SLC9C1: variants seen among roughly 807,000 people sequenced by gnomAD.
SLC9C1 encodes the protein sodium/hydrogen exchanger 10.
A neutral mutation model predicts 140.9 loss-of-function variants in SLC9C1; 97 were observed. That is an observed-to-expected ratio of 0.69 (90% confidence interval 0.58 to 0.82). The LOEUF (loss-of-function observed/expected upper bound fraction) is 0.82. Ranked by LOEUF, SLC9C1 falls within the 40% of genes least tolerant of loss-of-function variation. The probability of loss-of-function intolerance (pLI) is 0.00; values close to 1 mark genes in which losing one functional copy is unlikely to be tolerated. For missense variants in SLC9C1, 1,340 were observed against 1,389.3 expected, an observed-to-expected ratio of 0.96 and a Z score of 0.56; for synonymous variants, 440 against 442.6, an observed-to-expected ratio of 0.99 and a Z score of 0.07.
At chr3:112,291,132 C>T (rs1165074281) in intron 1 of SLC9C1, among the ~76,000 whole-genome samples, 1 of 152,144 alleles carries the variant, frequency 6.6e-6, no homozygotes, top group East Asian at 1.9e-4. Context: ...GCTTGCTTTA[C>T]AGTGTCACTG....
At chr3:112,193,828 C>T (rs1209849547) in intron 20 of SLC9C1, among the ~76,000 whole-genome samples, 8 of 151,994 alleles carry the variant, frequency 5.3e-5, no homozygotes, top group African/African-American at 7.3e-5. Flanking sequence ...AATGGGGCTG[C>T]AAGACTGTTT....
chr3:112,248,606 A>G (rs1279794406), intron 10 of SLC9C1, among the ~76,000 whole-genome samples: 2 of 152,082 alleles, frequency 1.3e-5, no homozygotes, highest in African/African-American at 4.8e-5. Flanking sequence ...AAATTCACTT[A>G]TTAGTTCTAC....
rs533235418 is a variant in SLC9C1 at position 112,233,193 on chromosome 3, C to T, written c.1447-1707G>A. On this transcript the variant is annotated intron_variant, in intron 12 of 28. Coordinates refer to ENST00000305815, the MANE Select transcript of SLC9C1 (RefSeq NM_183061.3). ...GAGTGATCTTCCTACCTCAGTCTCCCGAGTAGCGGGGACTACAGATGCACA... is the reference window on the plus strand; with the variant it reads ...GAGTGATCTTCCTACCTCAGTCTCCTGAGTAGCGGGGACTACAGATGCACA... Among the ~76,000 whole-genome samples, 99 of 151,826 alleles carry T rather than the reference C, an allele frequency of 6.5e-4. No individual in the cohort carries two copies. In the South Asian group the frequency reaches 0.016, roughly 25 times the overall value.
intron 12 of SLC9C1, among the ~76,000 whole-genome samples, chr3:112,233,050 C>CACATAT (rs1326383624): frequency 1.7e-3 from 150 of 86,616 alleles, no homozygotes; most frequent in African/African-American, 5.3e-3. Context: ...CACACACACA[C>CACATAT]ATATATATAT....
At chr3:112,215,131 C>A (rs533371033) in intron 15 of SLC9C1, among the ~76,000 whole-genome samples, 25 of 152,048 alleles carry the variant, frequency 1.6e-4, no homozygotes, top group Non-Finnish European at 2.8e-4. Flanking sequence ...TCAATAGATG[C>A]AGAAAAGGCC....
chr3:112,226,062 C>T (rs942690092), intron 13 of SLC9C1, among the ~76,000 whole-genome samples: 2 of 152,138 alleles, frequency 1.3e-5, no homozygotes, highest in Non-Finnish European at 2.9e-5. Flanking sequence ...ATAGACAGAA[C>T]ATTTCATTCA....
At position 112,192,542 on chromosome 3, in the gene SLC9C1, C is replaced by T. The variant is rs904759363; in HGVS notation, c.2523+6779G>A. Among the ~76,000 whole-genome samples the T allele has an allele frequency of 9.2e-5, 14 of 151,986 alleles. No homozygotes were observed. The East Asian group carries it at 2.7e-3, about 29-fold the overall frequency. ...GTGTCTACCTTTTATTGTTTCTATTCTTTTTTTGTTTTTGTTTTTTTCTTT... is the reference window on the plus strand; with the variant it reads ...GTGTCTACCTTTTATTGTTTCTATTTTTTTTTTGTTTTTGTTTTTTTCTTT... On this transcript the variant is annotated intron_variant, in intron 20 of 28. Transcript: ENST00000305815.
At chr3:112,272,098 CTAGGCCACATGAG>C (rs2080094547) in intron 6 of SLC9C1, among the ~76,000 whole-genome samples, 1 of 152,128 alleles carries the variant, frequency 6.6e-6, no homozygotes, top group Non-Finnish European at 1.5e-5. Context: ...ACACATGCCT[CTAGGCCACATGAG>C]CTCTAGGCAC....
intron 25 of SLC9C1, among the ~76,000 whole-genome samples, chr3:112,168,554 A>C (rs2077184771): frequency 1.3e-5 from 2 of 152,204 alleles, no homozygotes; most frequent in South Asian, 4.1e-4. Context: ...GCAACATGTG[A>C]GTAAAATAAA....
chr3:112,293,179 G>A (rs1172789198), intron 1 of SLC9C1, among the ~76,000 whole-genome samples: 1 of 151,918 alleles, frequency 6.6e-6, no homozygotes, highest in African/African-American at 2.4e-5. Context: ...TACTTGGGAG[G>A]CTGAGACAGG....
intron 10 of SLC9C1, among the ~76,000 whole-genome samples, chr3:112,245,555 G>T (rs1470956094): frequency 4.6e-5 from 7 of 151,116 alleles, no homozygotes; most frequent in Non-Finnish European, 1.0e-4. Context: ...AGTCTTTTTT[G>T]AATTCCTTAT....
At chr3:112,243,191 C>T (rs1279518192) in intron 11 of SLC9C1, among the ~76,000 whole-genome samples, 1 of 152,108 alleles carries the variant, frequency 6.6e-6, no homozygotes, top group Non-Finnish European at 1.5e-5. Context: ...ATATATCATT[C>T]TACAAAAAAG....
intron 20 of SLC9C1, among the ~76,000 whole-genome samples, chr3:112,198,276 ATTAC>A (rs1379374129): frequency 6.6e-6 from 1 of 151,964 alleles, no homozygotes; most frequent in African/African-American, 2.4e-5. Context: ...AATTTTATAT[ATTAC>A]TTTTATTTCT....
intron 20 of SLC9C1, among the ~76,000 whole-genome samples, chr3:112,188,102 C>T (rs546334747): frequency 6.6e-6 from 1 of 152,256 alleles, no homozygotes; most frequent in South Asian, 2.1e-4. Flanking sequence ...ATTTATATAA[C>T]CATCTCCAAC....
chr3:112,210,759 A>G (rs1159081592), intron 15 of SLC9C1, among the ~76,000 whole-genome samples: 2 of 152,210 alleles, frequency 1.3e-5, no homozygotes, highest in Non-Finnish European at 2.9e-5. Context: ...CACATTTCTA[A>G]TAAACATTCT....
chr3:112,226,242 T>C (rs1362619792), intron 13 of SLC9C1, among the ~76,000 whole-genome samples: 1 of 152,066 alleles, frequency 6.6e-6, no homozygotes, highest in Admixed American at 6.6e-5. Context: ...AAGAAGAACA[T>C]TGGAAACTGT....
intron 15 of SLC9C1, among the ~76,000 whole-genome samples, chr3:112,211,969 C>T (rs564987311): frequency 1.3e-5 from 2 of 152,354 alleles, no homozygotes; most frequent in South Asian, 4.1e-4. Flanking sequence ...TAAGGGCAGA[C>T]TGACACCTCA....
At chr3:112,154,969 A>G (rs754212558) in intron 27 of SLC9C1, 28 bp downstream of exon 27, 1 of 1,598,814 alleles carries the variant, frequency 6.3e-7, no homozygotes, top group African/African-American at 1.4e-5. Context: ...CCAAAATACA[A>G]CTTTTAGAAA....
intron 1 of SLC9C1, among the ~76,000 whole-genome samples, 174 bp from the exon 2 acceptor site, chr3:112,287,052 C>G (rs2080529384): frequency 6.6e-6 from 1 of 152,152 alleles, no homozygotes; most frequent in Admixed American, 6.5e-5. Flanking sequence ...GTCAGAACCC[C>G]AAGTGATAGA....
Sources: gnomAD v4.1 joint callset for allele counts (sites outside exome capture counted in the v4.1 genomes callset) on GRCh38, gnomAD v4.1.1 for gene constraint, MANE v1.5 for transcripts, NCBI Gene and HGNC (gene_info 2026-07-23, HGNC 2026-07-21) for gene names.